SLC10A7: variants seen among roughly 807,000 people sequenced by gnomAD.
The protein encoded by SLC10A7 is sodium/bile acid cotransporter 7.
SLC10A7 carries 29 observed loss-of-function variants against 43.2 expected under a neutral mutation model. That is an observed-to-expected ratio of 0.67 (90% CI 0.50 to 0.92). The LOEUF is 0.92. Ranked by LOEUF, SLC10A7 falls within the 40% of genes least tolerant of loss-of-function variation. SLC10A7 has a pLI of 0.00. For synonymous variants in SLC10A7, 152 were observed against 144.8 expected (o/e 1.05, Z -0.35); for missense variants, 295 against 403.2 (o/e 0.73, Z 2.30).
At chr4:146,363,314 C>T (rs4092340) in intron 5 of SLC10A7, among the ~76,000 whole-genome samples, 124,493 of 152,150 alleles carry the variant, frequency 0.82, 51,739 homozygotes, top group African/African-American at 0.95. Context: ...CAAGAGAATA[C>T]AGCAATTGTC....
At chr4:146,279,475 A>G (rs554206964) in intron 10 of SLC10A7, among the ~76,000 whole-genome samples, 9 of 152,304 alleles carry the variant, frequency 5.9e-5, no homozygotes, top group African/African-American at 1.9e-4. Context: ...CTGTTCTTCA[A>G]TCTCTGCTAT....
intron 7 of SLC10A7, among the ~76,000 whole-genome samples, chr4:146,300,337 A>G (rs1447842718): frequency 1.3e-5 from 2 of 152,204 alleles, no homozygotes; most frequent in African/African-American, 4.8e-5. Flanking sequence ...TCTTTAATAT[A>G]CTTTGTTTCC....
chr4:146,442,668 C>A (rs1579197444), intron 5 of SLC10A7, 115 bp downstream of exon 5: 1 of 1,516,524 alleles, frequency 6.6e-7, no homozygotes, highest in Non-Finnish European at 8.8e-7. Context: ...TGAAAAGATT[C>A]AACAATTTTT....
At chr4:146,440,800 G>A (rs1730539132) in intron 5 of SLC10A7, among the ~76,000 whole-genome samples, 1 of 152,020 alleles carries the variant, frequency 6.6e-6, no homozygotes, top group East Asian at 1.9e-4. Context: ...GAAAGGAAGG[G>A]GAATAAAAAA....
intron 5 of SLC10A7, among the ~76,000 whole-genome samples, chr4:146,381,320 T>C (rs1182559257): frequency 6.6e-6 from 1 of 152,162 alleles, no homozygotes; most frequent in Non-Finnish European, 1.5e-5. Context: ...AGAGGAGCTA[T>C]GTGAACTTTT....
intron 3 of SLC10A7, among the ~76,000 whole-genome samples, chr4:146,508,569 C>A (rs966747362): frequency 5.9e-5 from 9 of 152,146 alleles, no homozygotes; most frequent in Admixed American, 2.0e-4. Flanking sequence ...ACCAATTACC[C>A]AGTGGTTCAT....
chr4:146,516,908 A>C (rs1203118957), intron 2 of SLC10A7, 130 bp downstream of exon 2: 1 of 662,134 alleles, frequency 1.5e-6, no homozygotes, highest in African/African-American at 1.8e-5. Flanking sequence ...TTGCCGACCA[A>C]GTTATCTTCT....
chr4:146,395,926 A>G (rs1579079228), intron 5 of SLC10A7, among the ~76,000 whole-genome samples: 1 of 152,188 alleles, frequency 6.6e-6, no homozygotes, highest in Non-Finnish European at 1.5e-5. Flanking sequence ...AGATGTCCTC[A>G]TAAAAGTAAG....
At chr4:146,373,943 T>A (rs75026965) in intron 5 of SLC10A7, among the ~76,000 whole-genome samples, 3,236 of 152,248 alleles carry the variant, frequency 0.021, 100 homozygotes, top group African/African-American at 0.074. Context: ...CGACAGATAT[T>A]CAAGTGGTTT....
intron 5 of SLC10A7, among the ~76,000 whole-genome samples, chr4:146,397,001 C>T (rs1738877785): frequency 1.3e-5 from 2 of 152,066 alleles, no homozygotes; most frequent in Non-Finnish European, 2.9e-5. Flanking sequence ...CTAATATATG[C>T]CAAATTAGAT....
intron 5 of SLC10A7, among the ~76,000 whole-genome samples, chr4:146,336,044 G>A (rs1341480952): frequency 6.6e-6 from 1 of 152,058 alleles, no homozygotes; most frequent in East Asian, 1.9e-4. Flanking sequence ...TAATTTGTAG[G>A]CATATTAAAA....
rs944363037 is a variant in SLC10A7, at chr4:146,283,355, A to G, written c.774-90T>C. 2.4e-5 allele frequency: 23 copies of G among 948,694 alleles called. No homozygotes were observed. In the African/African-American group the frequency reaches 3.7e-4, roughly 15 times the overall value. 58.8% of individuals were successfully genotyped at this position (948,694 alleles called of 1,614,324 possible). ...AAATGTAGTACCTACCTTTATGTTA[A>G]CATCCCTTTGATCAATCCTGGTGAC... On this transcript the variant is annotated intron_variant, in intron 9 of 11. Coordinates refer to ENST00000335472, the MANE Select transcript of SLC10A7 (RefSeq NM_001029998.6).
At chr4:146,318,854 T>G (rs531459576) in intron 6 of SLC10A7, among the ~76,000 whole-genome samples, 2 of 152,126 alleles carry the variant, frequency 1.3e-5, no homozygotes, top group South Asian at 2.1e-4. Context: ...CTTTGACTCT[T>G]CTCTTTCCCA....
At chr4:146,274,063 G>C (rs943157345) in intron 10 of SLC10A7, among the ~76,000 whole-genome samples, 12 of 152,052 alleles carry the variant, frequency 7.9e-5, no homozygotes, top group African/African-American at 2.9e-4. Flanking sequence ...ATGGCATTCT[G>C]AATTTATTTT....
intron 10 of SLC10A7, among the ~76,000 whole-genome samples, chr4:146,280,544 A>T (rs1404933781): frequency 6.6e-6 from 1 of 152,214 alleles, no homozygotes; most frequent in Non-Finnish European, 1.5e-5. Context: ...AAAAACAAAC[A>T]AAAAAGAATT....
intron 5 of SLC10A7, among the ~76,000 whole-genome samples, chr4:146,432,129 G>T (rs183523947): frequency 6.6e-5 from 10 of 152,124 alleles, no homozygotes; most frequent in African/African-American, 2.4e-4. Flanking sequence ...AAAATATTGC[G>T]AATGTCAAGG....
At chr4:146,465,289 C>A (rs546443402) in intron 4 of SLC10A7, among the ~76,000 whole-genome samples, 9 of 152,168 alleles carry the variant, frequency 5.9e-5, no homozygotes, top group African/African-American at 2.2e-4. Context: ...TAAGAATATA[C>A]TTTTGCTTTT....
chr4:146,517,388 A>T (rs924589559), intron 1 of SLC10A7, among the ~76,000 whole-genome samples: 5 of 152,096 alleles, frequency 3.3e-5, no homozygotes, highest in Non-Finnish European at 7.4e-5. Context: ...ACCTGAGCCC[A>T]GGAGGCAGAG....
In SLC10A7 at chr4:146,521,812, T is replaced by C. The variant is rs1179961635; in HGVS notation, c.-95A>G. ...CCTTGGAGCGTCTCCACACTTTCCT[T>C]GGTCCCTCCAGACATGCAGCAGAGC... On this transcript the variant is annotated 5_prime_UTR_variant, in exon 1 of 12. Transcript: ENST00000335472. The C allele has an allele frequency of 9.9e-7, 1 of 1,015,184 alleles. No individual in the cohort carries two copies. The highest frequency in any genetic ancestry group is 1.6e-5 in the African/African-American group (1 of 62,458). 62.9% of individuals were successfully genotyped at this position (1,015,184 alleles called of 1,614,324 possible). A position where few individuals can be genotyped will look rare whatever the true frequency, so the allele number is the denominator to read the frequency against.
Sources: allele counts gnomAD v4.1 joint callset (sites outside exome capture counted in the v4.1 genomes callset), GRCh38; gene constraint gnomAD v4.1.1; transcripts MANE v1.5; gene names NCBI Gene and HGNC (gene_info 2026-07-23, HGNC 2026-07-21).